The following PARD6G variants were observed in gnomAD, a reference collection of about 807,000 sequenced individuals.
PARD6G encodes par-6 family cell polarity regulator gamma.
In PARD6G, 7 loss-of-function variants were observed where a neutral mutation model predicts 10.7. The ratio of observed to expected loss-of-function variants is 0.66; its 90% CI spans 0.37 to 1.23. The LOEUF is 1.23. Among genes scored for constraint, PARD6G ranks in the 50% most tolerant of loss-of-function variants. The pLI is 0.02. For synonymous variants in PARD6G, 287 were observed against 269.4 expected, an observed-to-expected ratio of 1.07 and a Z score of -0.64; for missense variants, 548 against 571.8, an observed-to-expected ratio of 0.96 and a Z score of 0.42.
In PARD6G at chr18:80,160,080, C is replaced by G; in HGVS notation, c.822G>C (p.Ala274=). Residue 274 remains alanine (A), a synonymous_variant, in exon 3 of 3, where the codon GCG becomes GCC. Transcript: ENST00000353265. ...GCGGGGCGGGGGGACCCACGAAGCC[C>G]GCGGTGCCGTCCGAGGGCGGTCCCG... The part of the protein sequence containing the change: ...GSSGPPSDGT[A]GFVGPPAPRV... 1.3e-6 allele frequency: 2 copies of G among 1,585,970 alleles called. No homozygotes were observed. The highest frequency in any genetic ancestry group is 1.3e-5 in the African/African-American group (1 of 74,610).
intron 2 of PARD6G, among the ~76,000 whole-genome samples, chr18:80,177,781 T>C (rs1164692360): frequency 7.7e-6 from 1 of 129,410 alleles, no homozygotes; most frequent in Non-Finnish European, 1.7e-5. Flanking sequence ...GATAAATCAA[T>C]GCCCAAATGG....
At position 80,202,892 on chromosome 18, in the gene PARD6G, T is replaced by G; in HGVS notation, c.113A>C (p.Lys38Thr). ...EFRRFSLDRH[K>T]PGKFEDFYKL... Reference sequence around the variant, plus strand: ...GTAGAAATCTTCAAACTTCCCAGGCTTATGACGGTCCAGAGAGAACCTTCG... The same window carrying G: ...GTAGAAATCTTCAAACTTCCCAGGCGTATGACGGTCCAGAGAGAACCTTCG... Residue 38 changes from lysine to threonine, a missense_variant, in exon 2 of 3, where the codon AAG becomes ACG. By Grantham distance (78) the Lys-to-Thr change is moderately conservative. Transcript: ENST00000353265. 6.3e-7 allele frequency: 1 copy of G among 1,579,458 alleles called. No individual in the cohort carries two copies. The highest frequency in any genetic ancestry group is 8.6e-7 in the Non-Finnish European group (1 of 1,167,490).
chr18:80,186,446 C>T (rs942378418), intron 2 of PARD6G, among the ~76,000 whole-genome samples: 3 of 136,254 alleles, frequency 2.2e-5, no homozygotes, highest in African/African-American at 9.4e-5. Flanking sequence ...CTTGCACACC[C>T]ACACACGCAT....
chr18:80,173,705 T>C (rs895302024), intron 2 of PARD6G, among the ~76,000 whole-genome samples: 2 of 152,142 alleles, frequency 1.3e-5, no homozygotes, highest in Non-Finnish European at 2.9e-5. Flanking sequence ...TTCTGTTAAA[T>C]GAATTTCTTC....
At chr18:80,235,850 C>G (rs1352897398) in intron 1 of PARD6G, among the ~76,000 whole-genome samples, 1 of 152,082 alleles carries the variant, frequency 6.6e-6, no homozygotes, top group Non-Finnish European at 1.5e-5. Flanking sequence ...GAAATTGAGG[C>G]AATAATTAAT....
Position 80,247,245 on chromosome 18 carries a change from C to A in PARD6G, c.72+32G>T, listed in dbSNP as rs570190366. On this transcript the variant is annotated intron_variant, in intron 1 of 2. Coordinates refer to ENST00000353265, the MANE Select transcript of PARD6G (RefSeq NM_032510.4). The surrounding 1 kb of genome is among the most constrained non-coding windows in gnomAD (Gnocchi z 4.2). The stretch of plus-strand genomic sequence containing the variant: ...CCCATTCATTAGCCAGGAGACTGGG[C>A]GCAGGGCCGCCGGGGCGGGCGGGGG... 1.3e-6 allele frequency: 2 copies of A among 1,549,998 alleles called. No homozygotes were observed. Among genetic ancestry groups the A allele is most frequent in the Admixed American group, 1.8e-5 (1 of 54,806 alleles).
At chr18:80,165,028 GC>G (rs1232689974) in intron 2 of PARD6G, among the ~76,000 whole-genome samples, 1 of 152,232 alleles carries the variant, frequency 6.6e-6, no homozygotes, top group Admixed American at 6.5e-5. Flanking sequence ...TCTATGTTCA[GC>G]AGTGCACATA....
In PARD6G at chr18:80,159,775, A is replaced by G; in HGVS notation, c.1127T>C (p.Leu376Pro). The change falls in exon 3 of 3, where the codon CTC becomes CCC. Residue 376 changes from leucine (L) to proline (P), a missense_variant. Around this residue, in one of 2 missense-constraint regions of PARD6G, gnomAD observed 313 missense variants for 279.9 expected, o/e 1.12. Coordinates refer to ENST00000353265, the MANE Select transcript of PARD6G (RefSeq NM_032510.4). ...GVEEHGPAVT[L>P] ...ATTTGGGGGCCTCTCGGGAGTCTAG[A>G]GCGTGACCGCGGGCCCGTGCTCCTC... 7.0e-7 allele frequency: 1 copy of G among 1,425,206 alleles called. No homozygotes were observed. The highest frequency in any genetic ancestry group is 1.6e-5 in the South Asian group (1 of 64,034). The allele number at this position is 1,425,206 out of a possible 1,614,324, so 88.3% of individuals were successfully genotyped here. A position where few individuals can be genotyped will look rare whatever the true frequency, so the allele number is the denominator to read the frequency against.
In PARD6G at chr18:80,160,416, G is replaced by A; in HGVS notation, c.486C>T (p.His162=). ...CCAGCGGCTTCTCGCAGCCGTGCCG[G>A]TGCAGCCGCACTCGCCGGTGCGTCT... ...VPETHRRVRL[H]RHGCEKPLGF... is the part of the protein sequence containing the mutation. Residue 162 remains histidine (H), a synonymous_variant, in exon 3 of 3, where the codon CAC becomes CAT. Transcript: ENST00000353265. 2 of 1,597,606 alleles carry A rather than the reference G, an allele frequency of 1.3e-6. No homozygotes were observed. The highest frequency in any genetic ancestry group is 1.7e-6 in the Non-Finnish European group (2 of 1,172,410).
At chr18:80,202,670 T>G (rs1967018836) in intron 2 of PARD6G, 40 bp downstream of exon 2, 4 of 1,560,902 alleles carry the variant, frequency 2.6e-6, no homozygotes, top group Admixed American at 1.7e-5. Flanking sequence ...TAAAAATGAT[T>G]TCTCAACAAG....
rs1967320506 is a variant in PARD6G at position 80,228,417 on chromosome 18, T to C, written c.72+18860A>G. 6.6e-6 allele frequency among the ~76,000 whole-genome samples: 1 copy of C among 152,074 alleles called. No homozygotes were observed. Among genetic ancestry groups the C allele is most frequent in the African/African-American group, 2.4e-5 (1 of 41,392 alleles). On this transcript the variant is annotated intron_variant, in intron 1 of 2. Transcript: ENST00000353265. The surrounding 1 kb of genome is among the most constrained non-coding windows in gnomAD (Gnocchi z 4.6). ...TTGACCCCCAGCCTCCTCAATCAGC[T>C]CTGCTGGGTGAGTCGCAGGCACCAA...
chr18:80,198,980 T>C (rs943802071), intron 2 of PARD6G, among the ~76,000 whole-genome samples: 24 of 152,302 alleles, frequency 1.6e-4, no homozygotes, highest in Admixed American at 8.5e-4. Context: ...TTCTAGAACA[T>C]TTCTATCACT....
intron 2 of PARD6G, among the ~76,000 whole-genome samples, chr18:80,193,825 A>C (rs1174962746): frequency 1.3e-5 from 2 of 152,174 alleles, no homozygotes; most frequent in Non-Finnish European, 2.9e-5. Context: ...CACCATCATG[A>C]GGAGTAAACG....
intron 2 of PARD6G, among the ~76,000 whole-genome samples, chr18:80,172,301 T>C (rs2052782369): frequency 6.6e-6 from 1 of 152,202 alleles, no homozygotes; most frequent in South Asian, 2.1e-4. Context: ...CATGTGCTTA[T>C]TGGCCACTTG....
In PARD6G at chr18:80,201,550, C is replaced by A. The variant is rs1967007019; in HGVS notation, c.295+1160G>T. 6.6e-6 allele frequency among the ~76,000 whole-genome samples: 1 copy of A among 152,212 alleles called. No homozygotes were observed. The highest frequency in any genetic ancestry group is 6.5e-5 in the Admixed American group (1 of 15,288). On this transcript the variant is annotated intron_variant, in intron 2 of 2. Coordinates refer to ENST00000353265, the MANE Select transcript of PARD6G (RefSeq NM_032510.4). The surrounding 1 kb of genome is among the most constrained non-coding windows in gnomAD (Gnocchi z 5.9). ...CTTCTCAGCACCGTCAGCAGGATAC[C>A]CAGGCCCAGTGAGAACTGCAGATGC...
chr18:80,193,238 G>A (rs1270907432), intron 2 of PARD6G, among the ~76,000 whole-genome samples: 1 of 152,160 alleles, frequency 6.6e-6, no homozygotes, highest in East Asian at 1.9e-4. Context: ...GCTGGGAGAA[G>A]CAGCCAGGGG....
rs746894104 is a variant in PARD6G, at chr18:80,160,340, C to G, written c.562G>C (p.Glu188Gln). 1.2e-6 allele frequency: 2 copies of G among 1,611,746 alleles called. No individual in the cohort carries two copies. The highest frequency in any genetic ancestry group is 2.2e-5 in the South Asian group (2 of 91,072). Residue 188 changes from glutamate to glutamine, a missense_variant, in exon 3 of 3, where the codon GAG becomes CAG. By Grantham distance (29) the Glu-to-Gln change is conservative (BLOSUM62 2). Around this residue, in one of 2 missense-constraint regions of PARD6G, gnomAD observed 235 missense variants for 291.9 expected, o/e 0.81. Transcript: ENST00000353265. ...GAGATGAAGATGCCGGGCACCTTCT[C>G]CAGCCCGTGCGGGGTCACGCGCACG... ...ASVRVTPHGL[E>Q]KVPGIFISRM...
intron 1 of PARD6G, among the ~76,000 whole-genome samples, chr18:80,233,629 C>T (rs997838038): frequency 1.3e-5 from 2 of 152,164 alleles, no homozygotes; most frequent in Admixed American, 6.5e-5. Flanking sequence ...TTTCCAAATC[C>T]TCTAGAACAG....
At chr18:80,190,042 A>C (rs955243922) in intron 2 of PARD6G, among the ~76,000 whole-genome samples, 1 of 152,122 alleles carries the variant, frequency 6.6e-6, no homozygotes, top group Non-Finnish European at 1.5e-5. Flanking sequence ...CCCCATCCCA[A>C]GGATATGACT....
Sources: allele counts gnomAD v4.1 joint callset (sites outside exome capture counted in the v4.1 genomes callset), GRCh38; gene constraint gnomAD v4.1.1; regional missense constraint gnomAD v4.1.1; non-coding constraint Gnocchi (gnomAD v3.1); transcripts MANE v1.5; gene names NCBI Gene and HGNC (gene_info 2026-07-23, HGNC 2026-07-21).